FREM1: variants seen among roughly 807,000 people sequenced by gnomAD.
FREM1 encodes FRAS1 related extracellular matrix 1, also known as FRAS1-related extracellular matrix protein 1.
FREM1 carries 220 observed loss-of-function variants against 210.1 expected under a neutral mutation model. That is an observed-to-expected ratio of 1.05 (90% CI 0.94 to 1.17). The LOEUF is 1.17. FREM1 is among the 50% of genes most tolerant of loss of function. FREM1 has a pLI of 0.00. For missense variants in FREM1, 3,454 were observed against 2,675.5 expected, an observed-to-expected ratio of 1.29 and a Z score of -6.42; for synonymous variants, 1,189 against 980.2, an observed-to-expected ratio of 1.21 and a Z score of -3.98.
In FREM1 at chr9:14,775,993, C is replaced by G; in HGVS notation, c.4653G>C (p.Gln1551His). The change falls in exon 25 of 37, where the codon CAG (glutamine) becomes CAC (histidine). Residue 1551 changes from glutamine to histidine, a missense_variant. By Grantham distance (24) the Gln-to-His change is conservative. Transcript: ENST00000380880. ...NLTFLLVQLP[Q>H]HGQLYLWGTG... ...TCCCCCACAGGTAGAGCTGGCCATG[C>G]TGGGGGAGCTGAACCAAGAGGAAGG... is the stretch of plus-strand genomic sequence containing the variant. The G allele has an allele frequency of 6.2e-7, 1 of 1,613,984 alleles. No individual in the cohort carries two copies. Among genetic ancestry groups the G allele is most frequent in the Non-Finnish European group, 8.5e-7 (1 of 1,179,872 alleles).
At chr9:14,904,678 C>G (rs1817384664) in intron 1 of FREM1, among the ~76,000 whole-genome samples, 1 of 152,162 alleles carries the variant, frequency 6.6e-6, no homozygotes. Flanking sequence ...ATGGCAAGAG[C>G]TGAGGTACAG....
At chr9:14,787,795 C>T (rs780645731) in intron 23 of FREM1, among the ~76,000 whole-genome samples, 13 of 152,128 alleles carry the variant, frequency 8.5e-5, no homozygotes, top group Non-Finnish European at 1.9e-4. Context: ...ACTTGTATTA[C>T]GATTTGCCTG....
intron 3 of FREM1, among the ~76,000 whole-genome samples, chr9:14,862,160 C>G (rs1417168674): frequency 6.6e-6 from 1 of 152,216 alleles, no homozygotes; most frequent in Non-Finnish European, 1.5e-5. Flanking sequence ...TGTTCTGCAT[C>G]ATAATTACCT....
At chr9:14,837,031 T>A (rs1824755076) in intron 10 of FREM1, among the ~76,000 whole-genome samples, 2 of 152,202 alleles carry the variant, frequency 1.3e-5, no homozygotes, top group African/African-American at 2.4e-5. Flanking sequence ...GATATGCAAA[T>A]GCCGGCCATT....
At chr9:14,860,770 T>C (rs1167899279) in intron 3 of FREM1, among the ~76,000 whole-genome samples, 1 of 110,544 alleles carries the variant, frequency 9.0e-6, no homozygotes, top group Non-Finnish European at 1.7e-5. Context: ...TGCACATATA[T>C]ACACATATAT....
At chr9:14,828,953 A>T (rs573141542) in intron 10 of FREM1, among the ~76,000 whole-genome samples, 4 of 152,318 alleles carry the variant, frequency 2.6e-5, no homozygotes, top group South Asian at 2.1e-4. Context: ...CAAGTTACTT[A>T]ACCTTTTAGT....
intron 1 of FREM1, among the ~76,000 whole-genome samples, chr9:14,884,348 T>C (rs1461635485): frequency 6.6e-6 from 1 of 152,286 alleles, no homozygotes; most frequent in Non-Finnish European, 1.5e-5. Flanking sequence ...AAATCAGTTC[T>C]GCTCTCCCTG....
chr9:14,754,915 C>T (rs373849311), intron 29 of FREM1, among the ~76,000 whole-genome samples: 62 of 152,188 alleles, frequency 4.1e-4, no homozygotes, highest in African/African-American at 1.3e-3. Context: ...GCCTGGGTGA[C>T]GCAGCGTGAC....
At chr9:14,870,700 A>T (rs1007430951) in intron 1 of FREM1, among the ~76,000 whole-genome samples, 2 of 151,774 alleles carry the variant, frequency 1.3e-5, no homozygotes, top group Non-Finnish European at 2.9e-5. Flanking sequence ...CATGTGCACA[A>T]TGTGCAGGTT....
chr9:14,882,380 C>G (rs1205376790), intron 1 of FREM1, among the ~76,000 whole-genome samples: 1 of 151,978 alleles, frequency 6.6e-6, no homozygotes, highest in East Asian at 1.9e-4. Context: ...GCTCCCTGCA[C>G]CACAATGCTG....
chr9:14,890,930 C>G (rs1434504554), intron 1 of FREM1, among the ~76,000 whole-genome samples: 1 of 152,156 alleles, frequency 6.6e-6, no homozygotes, highest in African/African-American at 2.4e-5. Context: ...TCAGCCAGAG[C>G]GTTGTATCAT....
rs753542395 is a variant in FREM1 at position 14,789,134 on chromosome 9, G to T, written c.3982-20C>A. The T allele has an allele frequency of 3.9e-5, 60 of 1,526,714 alleles. No individual in the cohort carries two copies. The highest frequency in any genetic ancestry group is 4.9e-5 in the Non-Finnish European group (55 of 1,128,434). 94.6% of individuals were successfully genotyped at this position (1,526,714 alleles called of 1,614,324 possible). On this transcript the variant is annotated intron_variant, in intron 22 of 36. Transcript: ENST00000380880. The stretch of plus-strand genomic sequence containing the variant: ...CCCTATCTGGAAGGAGCCAGAGTTA[G>T]TCAGCTGCTCATGGTTTTTTCTTTT...
chr9:14,746,133 C>A (rs1226028799), intron 35 of FREM1, among the ~76,000 whole-genome samples: 1 of 152,070 alleles, frequency 6.6e-6, no homozygotes, highest in East Asian at 1.9e-4. Flanking sequence ...AAAGTAATGG[C>A]AAAAACTGCA....
At position 14,812,812 on chromosome 9, in the gene FREM1, CTG is replaced by C. The variant is rs777983437; in HGVS notation, c.2891_2892del (p.Thr964ArgfsTer11). ...VISEAVTYKH[T>X]GGEIGLMPCF... is the part of the protein sequence containing the mutation. ...CACTGGTCACCATGCTGCTGCTTAC[CTG>C]TGTGTTTGTATGTCACGGCCTCTGA... On this transcript the variant is annotated frameshift_variant and splice_region_variant, in exon 16 of 37. Transcript: ENST00000380880. LOFTEE classifies it high-confidence loss of function. 9.4e-6 allele frequency: 15 copies of C among 1,603,346 alleles called. No homozygotes were observed. The highest frequency in any genetic ancestry group is 2.2e-5 in the South Asian group (2 of 88,978).
intron 5 of FREM1, among the ~76,000 whole-genome samples, chr9:14,857,173 A>G (rs565311857): frequency 6.6e-6 from 1 of 152,208 alleles, no homozygotes; most frequent in South Asian, 2.1e-4. Context: ...GTGACCTTGC[A>G]GAGTGGACCC....
intron 1 of FREM1, among the ~76,000 whole-genome samples, chr9:14,886,519 G>T (rs998119510): frequency 1.3e-5 from 2 of 152,002 alleles, no homozygotes; most frequent in Admixed American, 1.3e-4. Flanking sequence ...CAACAAGATG[G>T]TGAAGAAAGC....
chr9:14,875,657 A>G (rs1000412620), intron 1 of FREM1, among the ~76,000 whole-genome samples: 2 of 152,122 alleles, frequency 1.3e-5, no homozygotes, highest in African/African-American at 4.8e-5. Context: ...GATCGTCTGA[A>G]GCCTTCTTCT....
intron 8 of FREM1, 66 bp from the exon 9 acceptor site, chr9:14,842,726 A>G: frequency 8.6e-7 from 1 of 1,166,250 alleles, no homozygotes; most frequent in African/African-American, 1.5e-5. Context: ...CTGTGGGGAA[A>G]GCATCAATAC....
chr9:14,830,087 T>G (rs1172739681), intron 10 of FREM1, among the ~76,000 whole-genome samples: 1 of 151,972 alleles, frequency 6.6e-6, no homozygotes, highest in East Asian at 1.9e-4. Context: ...AAACTAACAG[T>G]GTAAGTAGTT....
Sources: gnomAD v4.1 joint callset for allele counts (sites outside exome capture counted in the v4.1 genomes callset) on GRCh38, gnomAD v4.1.1 for gene constraint, MANE v1.5 for transcripts, NCBI Gene and HGNC (gene_info 2026-07-23, HGNC 2026-07-21) for gene names.